The following ERICH3 variants were observed in gnomAD, a reference collection of about 807,000 sequenced individuals.
The protein encoded by ERICH3 is glutamate-rich protein 3.
In ERICH3, 126 loss-of-function variants were observed where a neutral mutation model predicts 131.1. That is an observed-to-expected ratio of 0.96 (90% CI 0.83 to 1.11). The LOEUF is 1.11. Ranked by LOEUF, ERICH3 falls within the 50% of genes most tolerant of loss-of-function variation. ERICH3 has a pLI of 0.00. For synonymous variants in ERICH3, 695 were observed against 644.6 expected, an observed-to-expected ratio of 1.08 and a Z score of -1.18; for missense variants, 2,050 against 1,810.7, an observed-to-expected ratio of 1.13 and a Z score of -2.40.
chr1:74,585,366 C>T (rs1647281040), intron 12 of ERICH3, among the ~76,000 whole-genome samples: 1 of 152,146 alleles, frequency 6.6e-6, no homozygotes, highest in Non-Finnish European at 1.5e-5. Flanking sequence ...TTATTCAATT[C>T]ATCTGATTTG....
chr1:74,667,675 A>G (rs1309289128), intron 1 of ERICH3, among the ~76,000 whole-genome samples: 1 of 152,192 alleles, frequency 6.6e-6, no homozygotes, highest in Admixed American at 6.5e-5. Context: ...AAAACCTAGC[A>G]TGGATTTATT....
chr1:74,672,811 G>T, intron 1 of ERICH3, among the ~76,000 whole-genome samples: 1 of 151,340 alleles, frequency 6.6e-6, no homozygotes. Context: ...CAATAATGAC[G>T]GTGTTCTTTC....
chr1:74,584,447 C>T (rs183530357), intron 12 of ERICH3, among the ~76,000 whole-genome samples: 2 of 152,250 alleles, frequency 1.3e-5, no homozygotes, highest in East Asian at 3.9e-4. Flanking sequence ...ACACTGGCCT[C>T]ATTTCCAATT....
At chr1:74,608,174 A>G (rs1399726841) in intron 9 of ERICH3, among the ~76,000 whole-genome samples, 1 of 152,022 alleles carries the variant, frequency 6.6e-6, no homozygotes, top group Non-Finnish European at 1.5e-5. Flanking sequence ...ATGACTAGTT[A>G]CATAAATGTT....
intron 12 of ERICH3, among the ~76,000 whole-genome samples, chr1:74,583,033 A>G (rs1366465688): frequency 6.6e-6 from 1 of 152,132 alleles, no homozygotes; most frequent in Non-Finnish European, 1.5e-5. Flanking sequence ...CCTTTAAAAC[A>G]ATGTAAACGG....
chr1:74,627,797 G>A (rs1037406261), intron 7 of ERICH3, among the ~76,000 whole-genome samples: 1 of 151,890 alleles, frequency 6.6e-6, no homozygotes, highest in Non-Finnish European at 1.5e-5. Context: ...AAACTGTATA[G>A]CCTAGAAATA....
At chr1:74,650,419 G>A (rs1035442021) in intron 1 of ERICH3, among the ~76,000 whole-genome samples, 1 of 152,072 alleles carries the variant, frequency 6.6e-6, no homozygotes, top group Non-Finnish European at 1.5e-5. Flanking sequence ...ACATATGTAT[G>A]TATACATGGT....
At chr1:74,660,467 T>C (rs1248271229) in intron 1 of ERICH3, among the ~76,000 whole-genome samples, 2 of 151,548 alleles carry the variant, frequency 1.3e-5, no homozygotes, top group East Asian at 3.9e-4. Flanking sequence ...GATCACTCTT[T>C]ATTTATATTT....
Position 74,673,630 on chromosome 1 carries a change from G to A in ERICH3, c.-111C>T. On this transcript the variant is annotated 5_prime_UTR_variant, in exon 1 of 15. Coordinates refer to ENST00000326665, the MANE Select transcript of ERICH3 (RefSeq NM_001002912.5). ...GCTCGAGGGGTGGCTCCGCACCGAG[G>A]TCCCCTGTGCGCGGGCACCTGGGCT... The A allele has an allele frequency of 2.4e-6, 3 of 1,265,974 alleles. No individual in the cohort carries two copies. The highest frequency in any genetic ancestry group is 2.6e-4 in the Middle Eastern group (1 of 3,860). 78.4% of individuals were successfully genotyped at this position (1,265,974 alleles called of 1,614,324 possible). A position where few individuals can be genotyped will look rare whatever the true frequency, so the allele number is the denominator to read the frequency against.
At chr1:74,608,313 CT>C (rs1169111033) in intron 9 of ERICH3, among the ~76,000 whole-genome samples, 1 of 152,014 alleles carries the variant, frequency 6.6e-6, no homozygotes, top group Non-Finnish European at 1.5e-5. Flanking sequence ...AGTTATCAGT[CT>C]CTTCAGTCTT....
At chr1:74,646,555 A>C in intron 3 of ERICH3, 112 bp downstream of exon 3, 1 of 644,322 alleles carries the variant, frequency 1.6e-6, no homozygotes, top group Non-Finnish European at 2.3e-6. Context: ...ATTAATTATC[A>C]TATTAGACAA....
At chr1:74,577,330 T>G (rs1370595407) in intron 12 of ERICH3, 1 of 158,742 alleles carries the variant, frequency 6.3e-6, no homozygotes, top group Non-Finnish European at 1.4e-5. Context: ...TGAAGGTTCT[T>G]CCTAGGTAAT....
Position 74,587,127 on chromosome 1 carries a change from C to T in ERICH3, c.2176+2504G>A, listed in dbSNP as rs12092011. ...GATCACGTGGTCAAGAGATCGAGAC[C>T]ATCCTGGCTAACACGGTGAAACCCC... On this transcript the variant is annotated intron_variant, in intron 12 of 14. Transcript: ENST00000326665. Among the ~76,000 whole-genome samples, 704 of 152,000 alleles carry T rather than the reference C, an allele frequency of 4.6e-3. 1 individual carries two copies. Among genetic ancestry groups the T allele is most frequent in the African/African-American group, 0.016 (656 of 41,486 alleles).
chr1:74,631,960 T>G, intron 6 of ERICH3, 32 bp from the exon 7 acceptor site: 1 of 1,576,212 alleles, frequency 6.3e-7, no homozygotes, highest in Non-Finnish European at 8.7e-7. Flanking sequence ...TAAGAACCAG[T>G]GAAACAGAAT....
upstream of ERICH3, chr1:74,673,834 C>A (rs1397369616): frequency 6.1e-6 from 2 of 328,574 alleles, no homozygotes; most frequent in Non-Finnish European, 1.1e-5. Flanking sequence ...CCAGCTTCTA[C>A]CCCTTTTTCT....
chr1:74,670,403 C>A (rs1398915594), intron 1 of ERICH3, among the ~76,000 whole-genome samples: 1 of 152,094 alleles, frequency 6.6e-6, no homozygotes, highest in Non-Finnish European at 1.5e-5. Flanking sequence ...CAGCCCTTAC[C>A]CTTCCTAGCA....
At chr1:74,624,318 TC>T (rs1649341147) in intron 7 of ERICH3, 1 of 152,102 alleles carries the variant, frequency 6.6e-6, no homozygotes, top group African/African-American at 2.4e-5. Context: ...AAAGTGGCAA[TC>T]CCCATGTTGA....
chr1:74,642,098 A>C (rs1282624692), intron 4 of ERICH3, among the ~76,000 whole-genome samples: 7 of 152,026 alleles, frequency 4.6e-5, no homozygotes, highest in Admixed American at 1.3e-4. Context: ...AGAATCTATG[A>C]CTCAGTCCTT....
chr1:74,655,757 A>G (rs928498204), intron 1 of ERICH3, among the ~76,000 whole-genome samples: 1 of 152,196 alleles, frequency 6.6e-6, no homozygotes, highest in Non-Finnish European at 1.5e-5. Flanking sequence ...GGTCTCTCCC[A>G]TAAGCCTGAT....
Sources: allele counts gnomAD v4.1 joint callset (sites outside exome capture counted in the v4.1 genomes callset), GRCh38; gene constraint gnomAD v4.1.1; transcripts MANE v1.5; gene names NCBI Gene and HGNC (gene_info 2026-07-23, HGNC 2026-07-21).